Variants in CSNK2A2IP observed in about 807,000 individuals in gnomAD.
The protein encoded by CSNK2A2IP is casein kinase 2 subunit alpha' interacting protein, also known as casein kinase II subunit alpha'-interacting protein.
chr3:88,405,021 T>C, the CSNK2A2IP span, among the ~76,000 whole-genome samples: 11 of 152,164 alleles, frequency 7.2e-5, no homozygotes, highest in Non-Finnish European at 1.6e-4. Context: ...TAACCTACTT[T>C]CAACAAGAGT....
chr3:88,438,299 C>G, the CSNK2A2IP span, among the ~76,000 whole-genome samples: 2 of 152,088 alleles, frequency 1.3e-5, no homozygotes, highest in South Asian at 2.1e-4. Context: ...ATGCTGAGAA[C>G]TTTGAACTGT....
chr3:88,448,603 C>T, the CSNK2A2IP span, among the ~76,000 whole-genome samples: 5 of 152,132 alleles, frequency 3.3e-5, no homozygotes, highest in African/African-American at 1.2e-4. Context: ...AGGAGCAACT[C>T]CTATTTGGAC....
chr3:88,363,257 G>A, the CSNK2A2IP span, among the ~76,000 whole-genome samples: 6 of 151,968 alleles, frequency 3.9e-5, no homozygotes, highest in African/African-American at 7.3e-5. Flanking sequence ...TTTTCTCTGT[G>A]TATTTCATTT....
chr3:88,420,250 T>G, the CSNK2A2IP span, among the ~76,000 whole-genome samples: 1 of 152,202 alleles, frequency 6.6e-6, no homozygotes, highest in African/African-American at 2.4e-5. Flanking sequence ...TGTTTCTAAC[T>G]AGTTGTGGTG....
the CSNK2A2IP span, among the ~76,000 whole-genome samples, chr3:88,397,811 A>G: frequency 5.9e-5 from 9 of 152,026 alleles, no homozygotes; most frequent in South Asian, 4.1e-4. Flanking sequence ...TTTTAAGTCC[A>G]AATAGTAAGT....
the CSNK2A2IP span, among the ~76,000 whole-genome samples, chr3:88,429,092 G>C: frequency 1.1e-4 from 16 of 149,300 alleles, no homozygotes; most frequent in Non-Finnish European, 8.9e-5. Context: ...TACTTGTATT[G>C]TTGGATATTA....
the CSNK2A2IP span, among the ~76,000 whole-genome samples, chr3:88,373,794 A>T: frequency 6.6e-6 from 1 of 151,534 alleles, no homozygotes; most frequent in Non-Finnish European, 1.5e-5. Context: ...TATAAAAAAT[A>T]AAAGATGAGC....
the CSNK2A2IP span, among the ~76,000 whole-genome samples, chr3:88,455,395 A>C: frequency 1.3e-5 from 2 of 151,944 alleles, no homozygotes; most frequent in East Asian, 3.8e-4. Context: ...GATAAAAGCC[A>C]TTCTAACAGG....
At chr3:88,444,448 T>C in the CSNK2A2IP span, among the ~76,000 whole-genome samples, 1 of 152,222 alleles carries the variant, frequency 6.6e-6, no homozygotes, top group Admixed American at 6.5e-5. Flanking sequence ...CCTGTCATTG[T>C]GACAATATTT....
At chr3:88,416,358 C>T in the CSNK2A2IP span, among the ~76,000 whole-genome samples, 1 of 150,572 alleles carries the variant, frequency 6.6e-6, no homozygotes, top group Admixed American at 6.6e-5. Context: ...CACAAAAATG[C>T]CACTTGCCTT....
chr3:88,384,669 T>C, the CSNK2A2IP span, among the ~76,000 whole-genome samples: 2 of 152,148 alleles, frequency 1.3e-5, no homozygotes, highest in African/African-American at 2.4e-5. Context: ...AAGTGAACAA[T>C]TTTTGTGGCT....
the CSNK2A2IP span, among the ~76,000 whole-genome samples, chr3:88,427,972 C>T: frequency 1.3e-5 from 2 of 152,094 alleles, no homozygotes; most frequent in African/African-American, 4.8e-5. Context: ...GAGATTGCAC[C>T]ATGCGCCTGG....
the CSNK2A2IP span, among the ~76,000 whole-genome samples, chr3:88,358,476 G>T: frequency 1.3e-4 from 20 of 151,954 alleles, no homozygotes; most frequent in Non-Finnish European, 2.6e-4. Context: ...GTCATACACG[G>T]CCCCCATTGT....
the CSNK2A2IP span, among the ~76,000 whole-genome samples, chr3:88,363,761 A>G: frequency 3.9e-5 from 6 of 152,150 alleles, no homozygotes; most frequent in Admixed American, 2.0e-4. Flanking sequence ...GTTTCAGTTT[A>G]GTGCTATAAG....
At chr3:88,445,275 C>CAAAAAAAAAAAAAAAAAAA in the CSNK2A2IP span, among the ~76,000 whole-genome samples, 44 of 47,770 alleles carry the variant, frequency 9.2e-4, 6 homozygotes, top group East Asian at 5.5e-3. Flanking sequence ...GTAAAAATAC[C>CAAAAAAAAAAAAAAAAAAA]AAAAAAAAAA....
chr3:88,364,516 A>G, the CSNK2A2IP span, among the ~76,000 whole-genome samples: 1 of 152,120 alleles, frequency 6.6e-6, no homozygotes, highest in African/African-American at 2.4e-5. Flanking sequence ...GTAATAATAA[A>G]GAATTATTAT....
the CSNK2A2IP span, among the ~76,000 whole-genome samples, chr3:88,436,786 G>A: frequency 6.6e-6 from 1 of 152,024 alleles, no homozygotes; most frequent in Admixed American, 6.6e-5. Flanking sequence ...CTATTGCATT[G>A]CAACCACAAG....
At chr3:88,439,015 C>T in the CSNK2A2IP span, among the ~76,000 whole-genome samples, 1 of 152,144 alleles carries the variant, frequency 6.6e-6, no homozygotes, top group African/African-American at 2.4e-5. Flanking sequence ...TTTTCTCTAG[C>T]CTGATTGCGT....
the CSNK2A2IP span, among the ~76,000 whole-genome samples, chr3:88,446,035 TTTCTTTC>T: frequency 1.9e-3 from 8 of 4,322 alleles, 1 homozygote; most frequent in East Asian, 0.016. Flanking sequence ...GTTTCTTTTC[TTTCTTTC>T]TTTCTTTCTT....
Sources: allele counts gnomAD v4.1 joint callset (sites outside exome capture counted in the v4.1 genomes callset), GRCh38; gene constraint gnomAD v4.1.1; transcripts MANE v1.5; gene names NCBI Gene and HGNC (gene_info 2026-07-23, HGNC 2026-07-21).